Variants in ROBO2 observed in about 807,000 individuals in gnomAD.
The protein encoded by ROBO2 is roundabout homolog 2.
In ROBO2, 53 loss-of-function variants were observed where a neutral mutation model predicts 160.8. That is an observed-to-expected ratio of 0.33 (90% CI 0.26 to 0.41). The LOEUF is 0.41. ROBO2 is among the 10% of genes least tolerant of loss of function. The pLI is 1.00. For synonymous variants in ROBO2, 664 were observed against 611.7 expected (o/e 1.09, Z -1.26); for missense variants, 1,577 against 1,722.4 (o/e 0.92, Z 1.49).
At chr3:76,359,186 A>G (rs4401368) in intron 2 of ROBO2, among the ~76,000 whole-genome samples, 18,957 of 151,432 alleles carry the variant, frequency 0.13, 1,401 homozygotes, top group African/African-American at 0.2. Context: ...TGGACATTTG[A>G]GTTGGTTCCA....
chr3:77,280,588 A>T (rs2060179035), intron 2 of ROBO2, among the ~76,000 whole-genome samples: 1 of 152,194 alleles, frequency 6.6e-6, no homozygotes, highest in African/African-American at 2.4e-5. Flanking sequence ...AAATGAATAA[A>T]CTATTTTTTC....
At chr3:75,916,974 A>G (rs1049941990) in intron 1 of ROBO2, among the ~76,000 whole-genome samples, 2 of 94,816 alleles carry the variant, frequency 2.1e-5, no homozygotes, top group Non-Finnish European at 2.2e-5. Context: ...AAATGAGTGC[A>G]TGTTTTCTAT....
chr3:76,188,833 G>A (rs1701879188), intron 2 of ROBO2, among the ~76,000 whole-genome samples: 1 of 151,914 alleles, frequency 6.6e-6, no homozygotes, highest in Non-Finnish European at 1.5e-5. Context: ...CTAGTATACA[G>A]GCAATCATCA....
At chr3:76,939,979 A>ATTTTTTTTTTTTTTTTT (rs71104641) in intron 2 of ROBO2, among the ~76,000 whole-genome samples, 1 of 120,552 alleles carries the variant, frequency 8.3e-6, no homozygotes, top group African/African-American at 3.5e-5. Flanking sequence ...AAGCAACAGG[A>ATTTTTTTTTTTTTTTTT]TTTTTTTTTT....
At chr3:76,019,699 C>T (rs2066514562) in intron 2 of ROBO2, among the ~76,000 whole-genome samples, 1 of 151,048 alleles carries the variant, frequency 6.6e-6, no homozygotes, top group African/African-American at 2.4e-5. Context: ...TTCATTATGG[C>T]CTCCCAACAT....
chr3:76,966,041 G>A (rs996865744), intron 2 of ROBO2, among the ~76,000 whole-genome samples: 4 of 149,782 alleles, frequency 2.7e-5, no homozygotes, highest in African/African-American at 9.9e-5. Context: ...TCCTGCCTCA[G>A]CCTCCCTCAT....
chr3:76,292,437 A>C (rs994147057), intron 2 of ROBO2, among the ~76,000 whole-genome samples: 2 of 152,204 alleles, frequency 1.3e-5, no homozygotes, highest in African/African-American at 4.8e-5. Context: ...ACGATGAGTG[A>C]GTCTTCTGTC....
At chr3:76,315,465 T>G (rs879034364) in intron 2 of ROBO2, among the ~76,000 whole-genome samples, 6 of 152,218 alleles carry the variant, frequency 3.9e-5, no homozygotes, top group African/African-American at 1.4e-4. Flanking sequence ...TGCAACATTT[T>G]AATTCATGGT....
At chr3:77,558,229 A>G in intron 9 of ROBO2, 80 bp downstream of exon 10, 1 of 1,107,420 alleles carries the variant, frequency 9.0e-7, no homozygotes, top group Non-Finnish European at 1.4e-6. Flanking sequence ...AGTGAACTTA[A>G]AATCTTACAT....
intron 1 of ROBO2, among the ~76,000 whole-genome samples, chr3:77,094,528 C>T (rs776154679): frequency 3.3e-5 from 5 of 152,060 alleles, no homozygotes; most frequent in Non-Finnish European, 7.4e-5. Flanking sequence ...TGTATGGTTT[C>T]ATTCTGGGGT....
At chr3:76,214,268 T>C (rs1394746606) in intron 2 of ROBO2, among the ~76,000 whole-genome samples, 1 of 152,202 alleles carries the variant, frequency 6.6e-6, no homozygotes, top group East Asian at 1.9e-4. Flanking sequence ...AAGTCCTAGC[T>C]GTGATTTCAA....
At chr3:76,798,000 C>G (rs1172057485) in intron 2 of ROBO2, among the ~76,000 whole-genome samples, 1 of 151,102 alleles carries the variant, frequency 6.6e-6, no homozygotes, top group African/African-American at 2.4e-5. Flanking sequence ...ATACCAAATC[C>G]TACCCAAATT....
At chr3:76,490,162 T>C (rs944062485) in intron 2 of ROBO2, among the ~76,000 whole-genome samples, 7 of 152,194 alleles carry the variant, frequency 4.6e-5, no homozygotes, top group African/African-American at 1.7e-4. Flanking sequence ...CTCCTTTTTA[T>C]GACGAAAGAA....
At chr3:77,625,672 G>C (rs182651221) in intron 23 of ROBO2, among the ~76,000 whole-genome samples, 4 of 152,076 alleles carry the variant, frequency 2.6e-5, no homozygotes, top group Non-Finnish European at 5.9e-5. Flanking sequence ...CACTGCGGCC[G>C]GCCCATGCAA....
At chr3:77,356,468 A>G (rs772012737) in intron 2 of ROBO2, among the ~76,000 whole-genome samples, 2 of 152,212 alleles carry the variant, frequency 1.3e-5, no homozygotes, top group Non-Finnish European at 2.9e-5. Flanking sequence ...AGCAGTTCAT[A>G]TTCACAGAGG....
intron 2 of ROBO2, among the ~76,000 whole-genome samples, chr3:76,835,514 G>A (rs1393586101): frequency 6.7e-6 from 1 of 150,158 alleles, no homozygotes; most frequent in African/African-American, 2.4e-5. Flanking sequence ...ACTAATAGAT[G>A]TATACATACA....
intron 2 of ROBO2, among the ~76,000 whole-genome samples, chr3:76,298,412 G>A (rs1248887422): frequency 6.6e-6 from 1 of 152,120 alleles, no homozygotes; most frequent in African/African-American, 2.4e-5. Context: ...TCTAAATTAT[G>A]TTTCTAAGAA....
chr3:77,632,715 C>A, intron 23 of ROBO2: 1 of 1,373,578 alleles, frequency 7.3e-7, no homozygotes, highest in Non-Finnish European at 9.7e-7. Flanking sequence ...TGGACACTGT[C>A]CTCTTTTCTC....
intron 2 of ROBO2, among the ~76,000 whole-genome samples, chr3:76,186,167 A>C (rs1429439510): frequency 6.6e-6 from 1 of 151,912 alleles, no homozygotes; most frequent in Non-Finnish European, 1.5e-5. Context: ...TCCTGAGCTC[A>C]ACCAATCCAC....
Sources: gnomAD v4.1 joint callset for allele counts (sites outside exome capture counted in the v4.1 genomes callset) on GRCh38, gnomAD v4.1.1 for gene constraint, MANE v1.5 for transcripts, NCBI Gene and HGNC (gene_info 2026-07-23, HGNC 2026-07-21) for gene names.